DCAF13: variants seen among roughly 807,000 people sequenced by gnomAD.
DCAF13 encodes DDB1- and CUL4-associated factor 13.
DCAF13 carries 38 observed loss-of-function variants against 59.0 expected under a neutral mutation model. That is an observed-to-expected ratio of 0.64 (90% CI 0.50 to 0.84). The LOEUF (loss-of-function observed/expected upper bound fraction) is 0.84, where lower values mean the gene tolerates loss of function less well. Among genes scored for constraint, DCAF13 ranks in the 40% least tolerant of loss-of-function variants. DCAF13 has a pLI of 0.00. For missense variants in DCAF13, 469 were observed against 558.4 expected (o/e 0.84, Z 1.61); for synonymous variants, 173 against 175.0 (o/e 0.99, Z 0.09).
At chr8:103,437,904 C>T (rs1164813577) in intron 8 of DCAF13, among the ~76,000 whole-genome samples, 2 of 152,038 alleles carry the variant, frequency 1.3e-5, no homozygotes, top group African/African-American at 4.8e-5. Flanking sequence ...ATAGTGTTCA[C>T]ATGGAAAAAT....
intron 2 of DCAF13, chr8:103,420,665 C>A (rs1252262989): frequency 5.1e-6 from 3 of 592,068 alleles, no homozygotes; most frequent in Non-Finnish European, 8.7e-6. Flanking sequence ...ATCAATTTGA[C>A]AGTAAATTAA....
intron 1 of DCAF13, among the ~76,000 whole-genome samples, chr8:103,416,207 A>G (rs1272779593): frequency 2.0e-5 from 3 of 151,572 alleles, no homozygotes; most frequent in Non-Finnish European, 4.4e-5. Flanking sequence ...CATTAGTTTG[A>G]ATGAGGAGTA....
intron 6 of DCAF13, among the ~76,000 whole-genome samples, chr8:103,432,165 G>A (rs1219029625): frequency 6.6e-6 from 1 of 152,162 alleles, no homozygotes; most frequent in Non-Finnish European, 1.5e-5. Context: ...GGGACATGTA[G>A]TGGGAGGTCC....
chr8:103,441,914 C>T (rs1041225532), intron 10 of DCAF13: 2 of 252,768 alleles, frequency 7.9e-6, no homozygotes, highest in South Asian at 5.9e-5. Context: ...TACAGGCACG[C>T]GCCACCATGC....
At chr8:103,425,128 T>C (rs1171754983) in intron 3 of DCAF13, among the ~76,000 whole-genome samples, 1 of 152,236 alleles carries the variant, frequency 6.6e-6, no homozygotes, top group Non-Finnish European at 1.5e-5. Flanking sequence ...TTCCCTTAGA[T>C]AAAGATATCT....
chr8:103,433,298 G>A (rs1816890159), intron 7 of DCAF13, among the ~76,000 whole-genome samples: 1 of 152,222 alleles, frequency 6.6e-6, no homozygotes, highest in Middle Eastern at 3.4e-3. Context: ...AGCTATCACT[G>A]TTCAGTCAGA....
At chr8:103,428,270 C>T (rs760754789) in intron 5 of DCAF13, 10 of 152,280 alleles carry the variant, frequency 6.6e-5, no homozygotes, top group East Asian at 1.9e-4. Flanking sequence ...TTTCTAGAGA[C>T]GCTACAGGTC....
intron 7 of DCAF13, 63 bp downstream of exon 7, chr8:103,432,804 G>A (rs150482626): frequency 5.7e-5 from 58 of 1,018,568 alleles, no homozygotes; most frequent in African/African-American, 4.8e-4. Context: ...TGTATAAGTC[G>A]TACTAATAAA....
rs1384016341 is a variant in DCAF13, at chr8:103,435,684, G to A, written c.844G>A (p.Val282Ile). 1.9e-6 allele frequency: 3 copies of A among 1,612,868 alleles called. No individual in the cohort carries two copies. Among genetic ancestry groups the A allele is most frequent in the Non-Finnish European group, 2.5e-6 (3 of 1,179,298 alleles). ...TCCTGTAATGGTCCATATGGATCAT[G>A]TATCTGCAGTGCTTGATGTGGATTA... ...DTPVMVHMDH[V>I]SAVLDVDYSP... is the part of the protein sequence containing the mutation. Residue 282 changes from valine (V) to isoleucine (I), a missense_variant, in exon 8 of 11, where the codon GTA (valine) becomes ATA (isoleucine). Physicochemically the swap from Val to Ile is conservative, Grantham distance 29. Transcript: ENST00000612750.
At chr8:103,426,480 A>G (rs1816794548) in intron 4 of DCAF13, among the ~76,000 whole-genome samples, 2 of 152,258 alleles carry the variant, frequency 1.3e-5, no homozygotes, top group Admixed American at 1.3e-4. Flanking sequence ...TGATGTCATC[A>G]TAGATCTTAC....
At chr8:103,424,034 T>C (rs1327405055) in intron 3 of DCAF13, among the ~76,000 whole-genome samples, 4 of 152,010 alleles carry the variant, frequency 2.6e-5, no homozygotes, top group Non-Finnish European at 5.9e-5. Context: ...TTTTTTTTTT[T>C]TTGAGATGAA....
At chr8:103,424,889 A>C (rs1816768979) in intron 3 of DCAF13, among the ~76,000 whole-genome samples, 1 of 152,226 alleles carries the variant, frequency 6.6e-6, no homozygotes, top group Non-Finnish European at 1.5e-5. Flanking sequence ...GCTCAGATTC[A>C]TAGTTGTTAA....
At chr8:103,417,847 C>T (rs1421445614) in intron 1 of DCAF13, among the ~76,000 whole-genome samples, 2 of 150,038 alleles carry the variant, frequency 1.3e-5, no homozygotes, top group African/African-American at 2.5e-5. Context: ...AGGCTGGGCG[C>T]AGTGGCTCAC....
chr8:103,418,660 A>G (rs1816661689), intron 1 of DCAF13, among the ~76,000 whole-genome samples: 1 of 151,406 alleles, frequency 6.6e-6, no homozygotes, highest in Non-Finnish European at 1.5e-5. Context: ...TGGAATACAT[A>G]AGAATGACCT....
Sources: allele counts gnomAD v4.1 joint callset (sites outside exome capture counted in the v4.1 genomes callset), GRCh38; gene constraint gnomAD v4.1.1; transcripts MANE v1.5; gene names NCBI Gene and HGNC (gene_info 2026-07-23, HGNC 2026-07-21).